CLPB: variants seen among roughly 807,000 people sequenced by gnomAD.
CLPB encodes mitochondrial disaggregase.
In CLPB, 40 loss-of-function variants were observed where a neutral mutation model predicts 78.4. The observed-to-expected ratio is 0.51, with a 90% CI of 0.40 to 0.66. The LOEUF is 0.66. Among genes scored for constraint, CLPB ranks in the 30% least tolerant of loss-of-function variants. The probability of loss-of-function intolerance (pLI) is 0.00; values close to 1 mark genes in which losing one functional copy is unlikely to be tolerated. For missense variants in CLPB, 780 were observed against 886.9 expected (o/e 0.88, Z 1.53); for synonymous variants, 333 against 348.0 (o/e 0.96, Z 0.48).
chr11:72,293,186 G>A lies in CLPB; in HGVS notation c.*181C>T. Reference sequence around the variant, plus strand: ...CCCACAACAAAGGGGCCAGAGTAGGGCGAAATTCCTCCTTCAGGTTTTGGG... The same window carrying A: ...CCCACAACAAAGGGGCCAGAGTAGGACGAAATTCCTCCTTCAGGTTTTGGG... On this transcript the variant is annotated 3_prime_UTR_variant, in exon 16 of 16. Coordinates refer to ENST00000538039, the MANE Select transcript of CLPB (RefSeq NM_001258392.3). 2 of 725,104 alleles carry A rather than the reference G, an allele frequency of 2.8e-6. No homozygotes were observed. Among genetic ancestry groups the A allele is most frequent in the Non-Finnish European group, 2.2e-6 (1 of 449,832 alleles). 44.9% of individuals were successfully genotyped at this position (725,104 alleles called of 1,614,324 possible). A position where few individuals can be genotyped will look rare whatever the true frequency, so the allele number is the denominator to read the frequency against.
chr11:72,395,972 G>A (rs934874305), intron 3 of CLPB, among the ~76,000 whole-genome samples: 2 of 152,186 alleles, frequency 1.3e-5, no homozygotes, highest in African/African-American at 4.8e-5. Flanking sequence ...CTCTTCTGTA[G>A]GACAGCAATC....
chr11:72,430,635 C>T (rs1423812561), intron 1 of CLPB: 4 of 474,352 alleles, frequency 8.4e-6, no homozygotes, highest in Non-Finnish European at 1.5e-5. Flanking sequence ...AGCACCACGT[C>T]TTGCCTATGG....
At chr11:72,432,495 C>T (rs1856575118) in intron 1 of CLPB, among the ~76,000 whole-genome samples, 1 of 152,130 alleles carries the variant, frequency 6.6e-6, no homozygotes. Flanking sequence ...CCCTCTGATC[C>T]CCCAACGACA....
chr11:72,391,532 G>A (rs375827676), intron 3 of CLPB, among the ~76,000 whole-genome samples: 117 of 152,298 alleles, frequency 7.7e-4, no homozygotes, highest in African/African-American at 2.6e-3. Context: ...CTGAATGAGT[G>A]CATGAATAAA....
intron 4 of CLPB, among the ~76,000 whole-genome samples, chr11:72,360,012 C>T (rs1349880133): frequency 6.6e-6 from 1 of 152,160 alleles, no homozygotes; most frequent in Non-Finnish European, 1.5e-5. Context: ...TAGACAGTTC[C>T]AGTTTGGACA....
At chr11:72,352,479 A>C (rs901469277) in intron 5 of CLPB, 1 of 152,228 alleles carries the variant, frequency 6.6e-6, no homozygotes, top group Non-Finnish European at 1.5e-5. Flanking sequence ...ATGCTGCTTC[A>C]TACTCCATGC....
chr11:72,322,357 CAA>C (rs1950059407), intron 6 of CLPB, among the ~76,000 whole-genome samples: 1 of 152,168 alleles, frequency 6.6e-6, no homozygotes, highest in African/African-American at 2.4e-5. Flanking sequence ...GGTTGAGGGG[CAA>C]AGAGTGGCTA....
At chr11:72,362,719 G>C (rs59755180) in intron 4 of CLPB, among the ~76,000 whole-genome samples, 9,517 of 152,240 alleles carry the variant, frequency 0.063, 555 homozygotes, top group African/African-American at 0.15. Context: ...AAAGGGGCTG[G>C]GTACAGTGCC....
At position 72,294,310 on chromosome 11, in the gene CLPB, G is replaced by T; in HGVS notation, c.1680+15C>A. ...CTGGCTATCCCGCCCCCACCCATGG[G>T]CAGTTCCCTCTTACTCTCTTGGCCC... is the stretch of plus-strand genomic sequence containing the variant. On this transcript the variant is annotated intron_variant, in intron 14 of 15. Transcript: ENST00000538039. 2 of 1,614,244 alleles carry T rather than the reference G, an allele frequency of 1.2e-6. No homozygotes were observed. Among genetic ancestry groups the T allele is most frequent in the Admixed American group, 1.7e-5 (1 of 60,032 alleles).
chr11:72,297,702 T>TGAGA (rs753090263), intron 11 of CLPB, among the ~76,000 whole-genome samples: 18 of 129,754 alleles, frequency 1.4e-4, no homozygotes, highest in Middle Eastern at 4.0e-3. Flanking sequence ...TGTGTGTGTG[T>TGAGA]GACATGTCCA....
chr11:72,421,853 AAAG>A (rs1476913879), intron 2 of CLPB, among the ~76,000 whole-genome samples: 4 of 152,206 alleles, frequency 2.6e-5, no homozygotes, highest in Non-Finnish European at 4.4e-5. Context: ...ATACCCCAGA[AAAG>A]AAGCCAGGCA....
chr11:72,428,968 C>G (rs1856466750), intron 2 of CLPB: 1 of 152,224 alleles, frequency 6.6e-6, no homozygotes, highest in African/African-American at 2.4e-5. Context: ...TGCTGCTCTG[C>G]AAATGCCCTG....
intron 5 of CLPB, among the ~76,000 whole-genome samples, chr11:72,340,997 G>T (rs990541474): frequency 6.6e-6 from 1 of 152,056 alleles, no homozygotes; most frequent in African/African-American, 2.4e-5. Flanking sequence ...CTAATTTTTT[G>T]TATCTTTAGT....
chr11:72,388,648 G>A (rs17160018), intron 3 of CLPB, among the ~76,000 whole-genome samples: 12,364 of 152,156 alleles, frequency 0.081, 763 homozygotes, highest in African/African-American at 0.18. Context: ...CAACAGTGGC[G>A]TCAAACACCT....
chr11:72,345,114 A>G (rs1256879775), intron 5 of CLPB, among the ~76,000 whole-genome samples: 1 of 152,174 alleles, frequency 6.6e-6, no homozygotes, highest in Non-Finnish European at 1.5e-5. Flanking sequence ...TACGGAGGAG[A>G]AGCTTGGTAA....
At chr11:72,348,987 T>A (rs1203276938) in intron 5 of CLPB, among the ~76,000 whole-genome samples, 1 of 152,220 alleles carries the variant, frequency 6.6e-6, no homozygotes, top group Non-Finnish European at 1.5e-5. Context: ...AAGTGATAAA[T>A]CATACAGGAT....
intron 5 of CLPB, among the ~76,000 whole-genome samples, chr11:72,335,133 G>A (rs993332669): frequency 3.9e-5 from 6 of 152,094 alleles, no homozygotes; most frequent in South Asian, 2.1e-4. Context: ...AGTAGTGTGG[G>A]GGGGTGGGTG....
intron 2 of CLPB, chr11:72,408,027 T>C: frequency 9.9e-7 from 1 of 1,010,870 alleles, no homozygotes; most frequent in Non-Finnish European, 1.5e-6. Flanking sequence ...CCAATGAGGA[T>C]CACAATCCTC....
chr11:72,302,477 G>A (rs960033825), intron 9 of CLPB, 129 bp from the exon 10 acceptor site: 12 of 785,890 alleles, frequency 1.5e-5, no homozygotes, highest in African/African-American at 5.1e-5. Flanking sequence ...TCTATCTCAC[G>A]CTCAAGATGT....
Sources: gnomAD v4.1 joint callset for allele counts (sites outside exome capture counted in the v4.1 genomes callset) on GRCh38, gnomAD v4.1.1 for gene constraint, MANE v1.5 for transcripts, NCBI Gene and HGNC (gene_info 2026-07-23, HGNC 2026-07-21) for gene names.